TCF12: variants seen among roughly 807,000 people sequenced by gnomAD.
The protein encoded by TCF12 is transcription factor 12.
A neutral mutation model predicts 86.0 loss-of-function variants in TCF12; 45 were observed. That is an observed-to-expected ratio of 0.52 (90% CI 0.41 to 0.67). The LOEUF is 0.67. Among genes scored for constraint, TCF12 ranks in the 30% least tolerant of loss-of-function variants. The probability of loss-of-function intolerance (pLI) is 0.00; values close to 1 mark genes in which losing one functional copy is unlikely to be tolerated. For missense variants in TCF12, 881 were observed against 859.9 expected (o/e 1.02, Z -0.31); for synonymous variants, 330 against 299.6 (o/e 1.10, Z -1.05).
chr15:57,214,755 A>G (rs143474487), intron 8 of TCF12, among the ~76,000 whole-genome samples: 13 of 152,338 alleles, frequency 8.5e-5, no homozygotes, highest in Admixed American at 8.5e-4. Flanking sequence ...TGGTTTGGTT[A>G]AGATTTTGGT....
intron 3 of TCF12, among the ~76,000 whole-genome samples, chr15:56,926,017 A>C (rs1234507233): frequency 6.6e-6 from 1 of 152,228 alleles, no homozygotes; most frequent in Non-Finnish European, 1.5e-5. Context: ...TGCTCAGAAA[A>C]AGTGGAGACA....
intron 3 of TCF12, among the ~76,000 whole-genome samples, chr15:57,007,790 C>CTTTCTT (rs773719096): frequency 4.4e-5 from 1 of 22,944 alleles, no homozygotes. Context: ...TTCTTTCTTT[C>CTTTCTT]TCTCTTTCTT....
intron 3 of TCF12, among the ~76,000 whole-genome samples, chr15:57,029,226 A>G (rs2066001398): frequency 6.6e-6 from 1 of 152,006 alleles, no homozygotes. Context: ...TGAGACTATC[A>G]TGTCTTCATT....
intron 4 of TCF12, among the ~76,000 whole-genome samples, chr15:57,082,312 C>G (rs1401979638): frequency 6.6e-6 from 1 of 152,180 alleles, no homozygotes; most frequent in Non-Finnish European, 1.5e-5. Context: ...TAACAGTCCA[C>G]ACAACACTGG....
intron 6 of TCF12, among the ~76,000 whole-genome samples, chr15:57,171,561 A>G (rs1481952241): frequency 6.6e-6 from 1 of 152,258 alleles, no homozygotes. Context: ...ATTAATGTAC[A>G]TAAAATGCTG....
intron 14 of TCF12, 71 bp downstream of exon 14, chr15:57,251,494 A>G (rs1597644684): frequency 1.4e-6 from 2 of 1,443,810 alleles, no homozygotes; most frequent in African/African-American, 1.4e-5. Flanking sequence ...ATCTGGCATA[A>G]CAATAAAGAA....
chr15:56,972,072 A>G (rs1251164034), intron 3 of TCF12, among the ~76,000 whole-genome samples: 1 of 152,224 alleles, frequency 6.6e-6, no homozygotes, highest in Non-Finnish European at 1.5e-5. Flanking sequence ...TATAGGGTAT[A>G]TGAATTTTAT....
chr15:57,200,171 A>G (rs1348328494), intron 8 of TCF12, among the ~76,000 whole-genome samples: 2 of 151,398 alleles, frequency 1.3e-5, no homozygotes, highest in Admixed American at 1.3e-4. Flanking sequence ...GCGAGCCACC[A>G]CACCCGGCTG....
chr15:57,243,412 G>A, intron 12 of TCF12, 60 bp from the exon 13 acceptor site: 3 of 1,418,156 alleles, frequency 2.1e-6, no homozygotes, highest in Non-Finnish European at 3.0e-6. Flanking sequence ...CATGTGAACG[G>A]ATTTGTGTAT....
At chr15:56,952,918 A>G (rs2061346415) in intron 3 of TCF12, among the ~76,000 whole-genome samples, 1 of 150,814 alleles carries the variant, frequency 6.6e-6, no homozygotes, top group African/African-American at 2.4e-5. Context: ...GAGAACAGAT[A>G]TCCTTGTCTT....
chr15:56,959,337 A>G (rs2061641364), intron 3 of TCF12, among the ~76,000 whole-genome samples: 1 of 152,186 alleles, frequency 6.6e-6, no homozygotes, highest in Admixed American at 6.5e-5. Flanking sequence ...TAACAGTAGG[A>G]TATATCTGCA....
chr15:57,269,920 A>G (rs1415572191), intron 18 of TCF12, among the ~76,000 whole-genome samples: 1 of 152,168 alleles, frequency 6.6e-6, no homozygotes, highest in Non-Finnish European at 1.5e-5. Context: ...TTCTGCAGAG[A>G]GATCCACTGT....
At chr15:57,014,359 C>T (rs972918168) in intron 3 of TCF12, among the ~76,000 whole-genome samples, 4 of 151,988 alleles carry the variant, frequency 2.6e-5, no homozygotes, top group African/African-American at 7.3e-5. Context: ...GGGCCTTCCT[C>T]ATTCCCTACC....
At chr15:57,095,806 AG>A (rs1205289116) in intron 5 of TCF12, among the ~76,000 whole-genome samples, 2 of 152,196 alleles carry the variant, frequency 1.3e-5, no homozygotes, top group Non-Finnish European at 2.9e-5. Flanking sequence ...GAATTCTCAG[AG>A]GTCTTGTACA....
intron 5 of TCF12, among the ~76,000 whole-genome samples, chr15:57,157,477 A>C (rs556698454): frequency 3.7e-4 from 57 of 152,282 alleles, no homozygotes; most frequent in South Asian, 3.7e-3. Context: ...AGGACAATTT[A>C]GAATATACAA....
chr15:57,182,687 A>G (rs1270655923), intron 6 of TCF12, among the ~76,000 whole-genome samples: 1 of 152,172 alleles, frequency 6.6e-6, no homozygotes, highest in African/African-American at 2.4e-5. Context: ...AAGACAGGGC[A>G]TTTCCTAACC....
chr15:57,104,896 G>A (rs2470117), intron 5 of TCF12, among the ~76,000 whole-genome samples: 98,217 of 121,146 alleles, frequency 0.81, 40,259 homozygotes, highest in African/African-American at 0.93. Context: ...GTCCTGTGAG[G>A]TGGAGTCCAC....
chr15:56,921,505 C>T lies in TCF12; in HGVS notation c.148+407C>T, dbSNP rs148626481. Among the ~76,000 whole-genome samples, 105 of 152,072 alleles carry T rather than the reference C, an allele frequency of 6.9e-4. 3 individuals are homozygous for T. The East Asian group carries it at 0.02, about 29-fold the overall frequency. On this transcript the variant is annotated intron_variant, in intron 3 of 20. Transcript: ENST00000333725. The stretch of plus-strand genomic sequence containing the variant: ...CAATACATTTATGACTACTGTGCTC[C>T]ATTTTAAAACATCCCATTTTTCTTA...
intron 5 of TCF12, among the ~76,000 whole-genome samples, chr15:57,143,920 A>G (rs781030463): frequency 3.9e-5 from 6 of 152,188 alleles, no homozygotes; most frequent in Non-Finnish European, 7.3e-5. Context: ...AAGAGAGATT[A>G]GAGTTGCTCC....
Sources: allele counts gnomAD v4.1 joint callset (sites outside exome capture counted in the v4.1 genomes callset), GRCh38; gene constraint gnomAD v4.1.1; transcripts MANE v1.5; gene names NCBI Gene and HGNC (gene_info 2026-07-23, HGNC 2026-07-21).